ABCA12: variants seen among roughly 807,000 people sequenced by gnomAD.
ABCA12 encodes the protein glucosylceramide transporter ABCA12.
A neutral mutation model predicts 293.5 loss-of-function variants in ABCA12; 156 were observed. The observed-to-expected ratio is 0.53, with a 90% CI of 0.47 to 0.61. ABCA12 has a LOEUF of 0.61. ABCA12 is among the 20% of genes least tolerant of loss of function. ABCA12 has a pLI of 0.00. For synonymous variants in ABCA12, 1,063 were observed against 1,108.0 expected (o/e 0.96, Z 0.81); for missense variants, 2,797 against 3,090.2 (o/e 0.91, Z 2.25).
In ABCA12 at chr2:215,050,679, C is replaced by T. The variant is rs76582930; in HGVS notation, c.508-868G>A. 3.1e-3 allele frequency: 1,990 copies of T among 633,424 alleles called. 27 individuals are homozygous for T. The African/African-American group carries it at 0.037, about 12-fold the overall frequency. The allele number at this position is 633,424 out of a possible 1,614,324, so 39.2% of individuals were successfully genotyped here. The stretch of plus-strand genomic sequence containing the variant: ...ACCTACATGCTACCTTCTAGTGACT[C>T]AAATTCTAAAAGTAATGGAACAAGA... On this transcript the variant is annotated intron_variant, in intron 5 of 52. Coordinates refer to ENST00000272895, the MANE Select transcript of ABCA12 (RefSeq NM_173076.3).
intron 1 of ABCA12, among the ~76,000 whole-genome samples, chr2:215,134,464 ATATGTG>A (rs1289577362): frequency 3.0e-4 from 37 of 122,444 alleles, no homozygotes; most frequent in Non-Finnish European, 5.2e-4. Context: ...ACATATATGC[ATATGTG>A]TATGTGTATA....
rs988248895 is a variant in ABCA12, at chr2:214,950,944, A to G, written c.6787T>C (p.Tyr2263His). 1 of 1,614,200 alleles carries G rather than the reference A, an allele frequency of 6.2e-7. No individual in the cohort carries two copies. The highest frequency in any genetic ancestry group is 8.5e-7 in the Non-Finnish European group (1 of 1,180,032). ...LVQLYCLTKT[Y>H]QLIHKKIIAV... ...ATAATCTTTTTGTGGATAAGTTGGTAGGTCTTTGTGAGACAATAAAGTTGG... is the reference window on the plus strand; with the variant it reads ...ATAATCTTTTTGTGGATAAGTTGGTGGGTCTTTGTGAGACAATAAAGTTGG... The change falls in exon 45 of 53, where the codon TAC becomes CAC. Residue 2263 changes from tyrosine (Y) to histidine (H), a missense_variant. This residue lies in a region of ABCA12 where 2,130 missense variants were observed against 2,427.0 expected (regional missense o/e 0.88). Coordinates refer to ENST00000272895, the MANE Select transcript of ABCA12 (RefSeq NM_173076.3).
intron 7 of ABCA12, among the ~76,000 whole-genome samples, chr2:215,042,744 A>G (rs1462589179): frequency 6.6e-6 from 1 of 152,196 alleles, no homozygotes; most frequent in East Asian, 1.9e-4. Flanking sequence ...GAAATATACA[A>G]TGGATTACTA....
intron 1 of ABCA12, among the ~76,000 whole-genome samples, chr2:215,114,856 T>A (rs1702653445): frequency 6.6e-6 from 1 of 152,172 alleles, no homozygotes; most frequent in African/African-American, 2.4e-5. Flanking sequence ...TTCATCTGAG[T>A]AGACTTAATG....
At chr2:214,974,608 G>A (rs1487516655) in intron 35 of ABCA12, among the ~76,000 whole-genome samples, 170 bp downstream of exon 35, 2 of 152,152 alleles carry the variant, frequency 1.3e-5, no homozygotes, top group South Asian at 4.2e-4. Context: ...GTATAGCATA[G>A]GATAACTAAG....
intron 14 of ABCA12, among the ~76,000 whole-genome samples, chr2:215,016,581 T>C (rs1294984331): frequency 1.3e-3 from 3 of 2,384 alleles, no homozygotes; most frequent in Admixed American, 6.8e-3. Flanking sequence ...TGACTCTGTC[T>C]CAAAAAAAAA....
intron 1 of ABCA12, among the ~76,000 whole-genome samples, chr2:215,128,514 T>A (rs1702977172): frequency 6.6e-6 from 1 of 152,216 alleles, no homozygotes; most frequent in Non-Finnish European, 1.5e-5. Context: ...TCTTTCTTTG[T>A]CTTTGTTGGA....
At chr2:215,084,481 T>C (rs1051607186) in intron 2 of ABCA12, among the ~76,000 whole-genome samples, 3 of 152,150 alleles carry the variant, frequency 2.0e-5, no homozygotes, top group Non-Finnish European at 2.9e-5. Flanking sequence ...TCCAAAGATA[T>C]AAAACTGGAC....
chr2:215,067,112 T>C (rs535546161), intron 2 of ABCA12, among the ~76,000 whole-genome samples: 3 of 152,232 alleles, frequency 2.0e-5, no homozygotes, highest in Non-Finnish European at 4.4e-5. Flanking sequence ...CAGTTATGTA[T>C]ACAAATAAAA....
chr2:215,058,343 G>T (rs1455545990), intron 3 of ABCA12, among the ~76,000 whole-genome samples: 1 of 151,962 alleles, frequency 6.6e-6, no homozygotes, highest in Non-Finnish European at 1.5e-5. Flanking sequence ...TCTGGTCCCA[G>T]TTATGAGTAG....
At chr2:215,129,905 T>G (rs1703015284) in intron 1 of ABCA12, among the ~76,000 whole-genome samples, 1 of 152,208 alleles carries the variant, frequency 6.6e-6, no homozygotes, top group Non-Finnish European at 1.5e-5. Flanking sequence ...AATTTTTGTA[T>G]GTGATGAGAA....
chr2:215,134,228 A>ATATATATGTATATGTGTATATATG (rs1479363208), intron 1 of ABCA12, among the ~76,000 whole-genome samples: 25 of 149,308 alleles, frequency 1.7e-4, no homozygotes, highest in African/African-American at 5.2e-4. Flanking sequence ...ATTTTAGCAT[A>ATATATATGTATATGTGTATATATG]TATATATGTA....
rs1383451789 is a variant in ABCA12, at chr2:215,138,617, G to A, written c.-409C>T. 6.6e-6 allele frequency among the ~76,000 whole-genome samples: 1 copy of A among 151,270 alleles called. No individual in the cohort carries two copies. The highest frequency in any genetic ancestry group is 2.4e-5 in the African/African-American group (1 of 41,136). The stretch of plus-strand genomic sequence containing the variant: ...CCTCCTACTCTCCATGAAATTAATT[G>A]CCTATCCACACCTTAGAGAACATGT... On this transcript the variant is annotated 5_prime_UTR_variant, in exon 1 of 53. Coordinates refer to ENST00000272895, the MANE Select transcript of ABCA12 (RefSeq NM_173076.3).
At chr2:215,007,510 T>A (rs2105996926) in intron 19 of ABCA12, among the ~76,000 whole-genome samples, 1 of 152,298 alleles carries the variant, frequency 6.6e-6, no homozygotes, top group South Asian at 2.1e-4. Flanking sequence ...CTTCTCTGAA[T>A]TACAGACAGA....
At chr2:214,940,939 A>AGGGTTTTTC (rs1247797867) in intron 50 of ABCA12, among the ~76,000 whole-genome samples, 10 of 152,030 alleles carry the variant, frequency 6.6e-5, no homozygotes, top group Non-Finnish European at 1.3e-4. Flanking sequence ...GATTTTTTGA[A>AGGGTTTTTC]GGGTTTTTCG....
In ABCA12 at chr2:215,032,183, G is replaced by A. The variant is rs191397518; in HGVS notation, c.986-287C>T. ...CAAGCCACTACATTATTTTATCCCA[G>A]GACCTGCATATGCAGATGACTGCTA... On this transcript the variant is annotated intron_variant, in intron 8 of 52. Coordinates refer to ENST00000272895, the MANE Select transcript of ABCA12 (RefSeq NM_173076.3). The A allele has an allele frequency of 1.3e-5, 14 of 1,099,226 alleles. No individual in the cohort carries two copies. The East Asian group carries it at 4.6e-4, about 36-fold the overall frequency. 68.1% of individuals were successfully genotyped at this position (1,099,226 alleles called of 1,614,324 possible). A position where few individuals can be genotyped will look rare whatever the true frequency, so the allele number is the denominator to read the frequency against.
intron 20 of ABCA12, 37 bp downstream of exon 20, chr2:215,004,172 T>C (rs751722564): frequency 2.0e-6 from 3 of 1,519,848 alleles, no homozygotes; most frequent in Non-Finnish European, 1.8e-6. Context: ...ATGTCCGACA[T>C]GACTCATGAA....
intron 39 of ABCA12, among the ~76,000 whole-genome samples, chr2:214,965,463 A>G (rs1699232292): frequency 1.3e-5 from 2 of 152,186 alleles, no homozygotes; most frequent in Non-Finnish European, 2.9e-5. Flanking sequence ...AGAATGGGAG[A>G]AAAATTTTGC....
chr2:214,954,335 G>A (rs1698874314), intron 43 of ABCA12, among the ~76,000 whole-genome samples: 1 of 152,230 alleles, frequency 6.6e-6, no homozygotes, highest in Middle Eastern at 3.4e-3. Flanking sequence ...CACCTATAAT[G>A]TTGGACCTAA....
Sources: gnomAD v4.1 joint callset for allele counts (sites outside exome capture counted in the v4.1 genomes callset) on GRCh38, gnomAD v4.1.1 for gene constraint, gnomAD v4.1.1 regional missense constraint, MANE v1.5 for transcripts, NCBI Gene and HGNC (gene_info 2026-07-23, HGNC 2026-07-21) for gene names.